Variants in GAK observed in about 807,000 individuals in gnomAD.
The protein encoded by GAK is cyclin G associated kinase.
GAK carries 79 observed loss-of-function variants against 143.9 expected under a neutral mutation model. That is an observed-to-expected ratio of 0.55 (90% confidence interval 0.46 to 0.66). The LOEUF is 0.66. GAK is among the 30% of genes least tolerant of loss of function. GAK has a pLI of 0.00. For missense variants in GAK, 1,693 were observed against 1,779.7 expected (o/e 0.95, Z 0.88); for synonymous variants, 881 against 765.5 (o/e 1.15, Z -2.49).
chr4:879,974 G>A (rs539609131), intron 15 of GAK, among the ~76,000 whole-genome samples: 2 of 152,346 alleles, frequency 1.3e-5, no homozygotes, highest in Non-Finnish European at 1.5e-5. Context: ...GCATTTCCAC[G>A]GCTCTGAAGA....
At chr4:863,894 G>A (rs1414121637) in intron 23 of GAK, among the ~76,000 whole-genome samples, 1 of 152,008 alleles carries the variant, frequency 6.6e-6, no homozygotes, top group African/African-American at 2.4e-5. Context: ...GTGGTGGCAG[G>A]CACCTGTAAT....
intron 24 of GAK, among the ~76,000 whole-genome samples, chr4:854,653 C>A (rs913081060): frequency 6.6e-6 from 1 of 152,216 alleles, no homozygotes; most frequent in Admixed American, 6.5e-5. Flanking sequence ...TCCACAGACG[C>A]GTCTGTCTGC....
chr4:868,572 C>T lies in GAK; in HGVS notation c.2362G>A (p.Ala788Thr), dbSNP rs774056352. The T allele has an allele frequency of 8.1e-6, 13 of 1,606,990 alleles. No homozygotes were observed. The highest frequency in any genetic ancestry group is 1.7e-4 in the Middle Eastern group (1 of 6,022). The change falls in exon 20 of 28, where the codon GCC becomes ACC. Residue 788 changes from alanine (A) to threonine (T), a missense_variant. By Grantham distance (58) the Ala-to-Thr change is moderately conservative. This residue lies in a region of GAK where 822 missense variants were observed against 788.7 expected (regional missense o/e 1.04). Coordinates refer to ENST00000314167, the MANE Select transcript of GAK (RefSeq NM_005255.4). ...TCCAGCGTGTGCAGGAAGCGACTGG[C>T]GTCCGCGCTGCTGCTTGGCGGTGAG... ...SDSPPSSSAD[A>T]SRFLHTLDWQ... is the part of the protein sequence containing the mutation.
At position 876,571 on chromosome 4, in the gene GAK, C is replaced by T. The variant is rs531992818; in HGVS notation, c.2013G>A (p.Thr671=). 22 of 1,614,176 alleles carry T rather than the reference C, an allele frequency of 1.4e-5. No individual in the cohort carries two copies. The highest frequency in any genetic ancestry group is 2.2e-5 in the South Asian group (2 of 91,074). ...TGGTGGCGTTCCGAGGCACAAACCCCGTGTGGAACTGAATCTGGAACATCT... is the reference window on the plus strand; with the variant it reads ...TGGTGGCGTTCCGAGGCACAAACCCTGTGTGGAACTGAATCTGGAACATCT... ...SMKMFQIQFH[T]GFVPRNATTV... is the part of the protein sequence containing the mutation. Residue 671 remains threonine, a synonymous_variant, in exon 18 of 28, where the codon ACG becomes ACA. Transcript: ENST00000314167.
At position 866,551 on chromosome 4, in the gene GAK, G is replaced by A; in HGVS notation, c.2873-17C>T. On this transcript the variant is annotated splice_polypyrimidine_tract_variant and intron_variant, in intron 21 of 27. Coordinates refer to ENST00000314167, the MANE Select transcript of GAK (RefSeq NM_005255.4). The stretch of plus-strand genomic sequence containing the variant: ...AGGGGTCAGCTGTGGGGACAGGCGG[G>A]CATGGGGAGGACTCAGCCCGGCTGC... The A allele has an allele frequency of 6.2e-7, 1 of 1,610,498 alleles. No homozygotes were observed. The highest frequency in any genetic ancestry group is 2.2e-5 in the East Asian group (1 of 44,714).
Position 849,446 on chromosome 4 carries a change from G to A in GAK, c.*227C>T, listed in dbSNP as rs541065172. The A allele has an allele frequency of 7.9e-4, 451 of 568,050 alleles. 1 individual carries two copies. The highest frequency in any genetic ancestry group is 2.3e-3 in the Admixed American group (77 of 33,042). 35.2% of individuals were successfully genotyped at this position (568,050 alleles called of 1,614,324 possible). On this transcript the variant is annotated 3_prime_UTR_variant, in exon 28 of 28. Transcript: ENST00000314167. ...CACAGACGTGACAATTGCGGGAGGA[G>A]CATGAATCAGCTGTTCCTTCGGGAG...
At chr4:931,260 C>G (rs954332279) in intron 1 of GAK, among the ~76,000 whole-genome samples, 4 of 152,218 alleles carry the variant, frequency 2.6e-5, no homozygotes, top group Non-Finnish European at 5.9e-5. Flanking sequence ...GCCGAGTGAC[C>G]TGTCCACTCT....
At chr4:902,605 A>AAAAAAAAAAAAAAAAAAAAAAAAAAC (rs1180561371) in intron 5 of GAK, among the ~76,000 whole-genome samples, 1 of 130,386 alleles carries the variant, frequency 7.7e-6, no homozygotes. Flanking sequence ...TCAAAAAAAA[A>AAAAAAAAAAAAAAAAAAAAAAAAAAC]AAAAAAAAAC....
At chr4:912,675 G>T in intron 3 of GAK, 60 bp downstream of exon 3, 1 of 1,357,870 alleles carries the variant, frequency 7.4e-7, no homozygotes, top group Non-Finnish European at 1.0e-6. Context: ...GTCACAGCTT[G>T]ACGCAGGCCT....
Position 869,274 on chromosome 4 carries a change from C to G in GAK, c.2249-589G>C, listed in dbSNP as rs981417119. On this transcript the variant is annotated intron_variant, in intron 19 of 27. Transcript: ENST00000314167. ...TGCAGGGTACACATGAATGCACACA[C>G]AGCACACACACAGATGCACAGTACA... is the stretch of plus-strand genomic sequence containing the variant. 2.0e-5 allele frequency: 3 copies of G among 149,500 alleles called. No individual in the cohort carries two copies. In the East Asian group the frequency reaches 6.2e-4, roughly 31 times the overall value. 9.3% of individuals were successfully genotyped at this position (149,500 alleles called of 1,614,324 possible). A position where few individuals can be genotyped will look rare whatever the true frequency, so the allele number is the denominator to read the frequency against.
intron 3 of GAK, chr4:912,150 C>T (rs1388501651): frequency 1.3e-5 from 6 of 460,042 alleles, no homozygotes; most frequent in African/African-American, 4.0e-5. Flanking sequence ...CTCAGGCAGC[C>T]GGCGGGCTCT....
chr4:865,493 T>C (rs985464120), intron 22 of GAK, among the ~76,000 whole-genome samples: 5 of 151,876 alleles, frequency 3.3e-5, no homozygotes, highest in Non-Finnish European at 5.9e-5. Flanking sequence ...AGAACAAGCA[T>C]CTGCGCATTC....
intron 19 of GAK, 131 bp from the exon 20 acceptor site, chr4:868,816 C>A: frequency 1.1e-6 from 1 of 884,074 alleles, no homozygotes; most frequent in Middle Eastern, 3.5e-4. Flanking sequence ...GTAAAGCAGA[C>A]CAATGACATG....
intron 18 of GAK, 49 bp from the exon 19 acceptor site, chr4:870,953 T>C (rs747525181): frequency 1.8e-5 from 27 of 1,492,646 alleles, no homozygotes; most frequent in Non-Finnish European, 2.5e-5. Flanking sequence ...AAGTAGTCTG[T>C]AAGTCCTTGG....
chr4:914,603 T>TACAC, intron 1 of GAK, among the ~76,000 whole-genome samples: 1 of 20,434 alleles, frequency 4.9e-5, no homozygotes, highest in African/African-American at 2.1e-4. Flanking sequence ...CCCACACACA[T>TACAC]AGCCCCAGCG....
intron 7 of GAK, chr4:894,210 A>C: frequency 1.6e-5 from 5 of 322,056 alleles, no homozygotes; most frequent in East Asian, 7.9e-5. Context: ...CAGGGGTGAC[A>C]CCGGGGCCTG....
rs750564137 is a variant in GAK at position 851,774 on chromosome 4, G to A, written c.3484C>T (p.Arg1162Trp). 26 of 1,613,108 alleles carry A rather than the reference G, an allele frequency of 1.6e-5. No homozygotes were observed. Among genetic ancestry groups the A allele is most frequent in the Admixed American group, 6.7e-5 (4 of 59,902 alleles). ...CCAAAGCTGGGTGCGCGGACCCCCC[G>A]CTCCTCCCGCGCCCCGATCACACTG... ...NFSVIGAREE[R>W]GVRAPSFAQK... The change falls in exon 25 of 28, where the codon CGG becomes TGG. Residue 1162 changes from arginine (R) to tryptophan (W), a missense_variant. Around this residue, in one of 2 missense-constraint regions of GAK, gnomAD observed 822 missense variants for 788.7 expected, o/e 1.04. Coordinates refer to ENST00000314167, the MANE Select transcript of GAK (RefSeq NM_005255.4).
rs142430163 is a variant in GAK, at chr4:882,745, G to A, written c.1479C>T (p.His493=). Residue 493 remains histidine (H), a synonymous_variant, in exon 14 of 28, where the codon CAC becomes CAT. Coordinates refer to ENST00000314167, the MANE Select transcript of GAK (RefSeq NM_005255.4). ...TCTTGTGGTCCTGCCGCAGCCAGGCGTGCATGTTCCTGCAGATGTTGTACA... is the reference window on the plus strand; with the variant it reads ...TCTTGTGGTCCTGCCGCAGCCAGGCATGCATGTTCCTGCAGATGTTGTACA... ...HTLYNICRNM[H]AWLRQDHKNV... 1.6e-4 allele frequency: 255 copies of A among 1,612,570 alleles called. No individual in the cohort carries two copies. In the Middle Eastern group the frequency reaches 3.7e-3, roughly 23 times the overall value.
intron 23 of GAK, 123 bp from the exon 24 acceptor site, chr4:859,845 G>A: frequency 1.4e-6 from 1 of 715,956 alleles, no homozygotes; most frequent in South Asian, 1.8e-5. Context: ...GCTGGCACCT[G>A]CATGGCTTGC....
Sources: gnomAD v4.1 joint callset for allele counts (sites outside exome capture counted in the v4.1 genomes callset) on GRCh38, gnomAD v4.1.1 for gene constraint, gnomAD v4.1.1 regional missense constraint, MANE v1.5 for transcripts, NCBI Gene and HGNC (gene_info 2026-07-23, HGNC 2026-07-21) for gene names.